NNT: variants seen among roughly 807,000 people sequenced by gnomAD.
The protein encoded by NNT is nicotinamide nucleotide transhydrogenase, also known as NAD(P) transhydrogenase, mitochondrial.
Under a neutral mutation model 104.8 loss-of-function variants are expected in NNT, and 50 were observed. That is an observed-to-expected ratio of 0.48 (90% CI 0.38 to 0.60). The LOEUF is 0.60. Among genes scored for constraint, NNT ranks in the 20% least tolerant of loss-of-function variants. The pLI, the probability that NNT is intolerant of heterozygous loss-of-function variation, is 0.00. For missense variants in NNT, 1,131 were observed against 1,330.7 expected (o/e 0.85, Z 2.33); for synonymous variants, 461 against 490.4 (o/e 0.94, Z 0.79).
chr5:43,686,937 C>G (rs2112165434), intron 19 of NNT, among the ~76,000 whole-genome samples: 1 of 152,252 alleles, frequency 6.6e-6, no homozygotes, highest in Middle Eastern at 3.4e-3. Context: ...CAATCTAGAA[C>G]TCTTAACTGC....
chr5:43,686,377 T>C (rs1741991607), intron 19 of NNT, among the ~76,000 whole-genome samples: 1 of 152,256 alleles, frequency 6.6e-6, no homozygotes, highest in Admixed American at 6.5e-5. Context: ...GAAATTTGAC[T>C]GTATCAAAAT....
At chr5:43,662,657 C>G (rs939860572) in intron 17 of NNT, among the ~76,000 whole-genome samples, 6 of 152,130 alleles carry the variant, frequency 3.9e-5, no homozygotes, top group Non-Finnish European at 8.8e-5. Context: ...CTTTGGGAGG[C>G]TAAGGCAGGT....
rs12187908 is a variant in NNT at position 43,609,170 on chromosome 5, T to C, written c.-26T>C. 0.31 allele frequency: 483,905 copies of C among 1,583,958 alleles called. 79,343 individuals carry two copies. The highest frequency in any genetic ancestry group is 0.34 in the Middle Eastern group (2,013 of 5,954). ...ATTTGCCTTCAAGGAAACTGGGGAG[T>C]CAGAAAATTGGGAACTCATATCAAC... is the stretch of plus-strand genomic sequence containing the variant. On this transcript the variant is annotated 5_prime_UTR_variant, in exon 2 of 22. Transcript: ENST00000344920.
rs576504974 is a variant in NNT, at chr5:43,612,266, G to A, written c.152-642G>A. Among the ~76,000 whole-genome samples the A allele has an allele frequency of 7.6e-4, 115 of 152,266 alleles. 1 individual carries two copies. The highest frequency in any genetic ancestry group is 2.6e-3 in the African/African-American group (108 of 41,556). ...GAGTAGTCACTGGCCAACATAGAGC[G>A]TCCTTGGACAGAGTTCCTGTCTAAG... On this transcript the variant is annotated intron_variant, in intron 2 of 21. Transcript: ENST00000344920.
Position 43,644,673 on chromosome 5 carries a change from A to C in NNT, c.1161A>C (p.Leu387=). ...GAATGGCCACTCAGGCCAGCACCCT[A>C]TATTCCAACAACATCACCAAACTCC... ...PSRMATQAST[L]YSNNITKLLK... The change falls in exon 9 of 22, where the codon CTA becomes CTC. Residue 387 remains leucine, a synonymous_variant. Coordinates refer to ENST00000344920, the MANE Select transcript of NNT (RefSeq NM_182977.3). 4 of 1,614,220 alleles carry C rather than the reference A, an allele frequency of 2.5e-6. No homozygotes were observed. Among genetic ancestry groups the C allele is most frequent in the Non-Finnish European group, 3.4e-6 (4 of 1,180,032 alleles).
chr5:43,686,770 C>T (rs1165127305), intron 19 of NNT, among the ~76,000 whole-genome samples: 1 of 152,002 alleles, frequency 6.6e-6, no homozygotes, highest in African/African-American at 2.4e-5. Context: ...CAGGTGTTGG[C>T]CTAAAGCACT....
chr5:43,616,030 A>T lies in NNT; in HGVS notation c.564A>T (p.Gly188=), dbSNP rs745988504. ...DQVPRVTIAQ[G]YDALSSMANI... ...TTCCAAGAGTCACAATTGCTCAGGG[A>T]TATGATGCGCTAAGCTCCATGGCCA... Residue 188 remains glycine (G), a synonymous_variant, in exon 4 of 22, where the codon GGA becomes GGT. Transcript: ENST00000344920. 15 of 1,614,108 alleles carry T rather than the reference A, an allele frequency of 9.3e-6. No individual in the cohort carries two copies. Among genetic ancestry groups the T allele is most frequent in the Admixed American group, 3.3e-5 (2 of 60,022 alleles).
chr5:43,625,775 A>G (rs953914812), intron 6 of NNT, among the ~76,000 whole-genome samples: 14 of 152,172 alleles, frequency 9.2e-5, no homozygotes. Flanking sequence ...TTCCTATCAT[A>G]AAATAGTACA....
At chr5:43,626,575 G>C (rs1750374999) in intron 6 of NNT, among the ~76,000 whole-genome samples, 1 of 151,954 alleles carries the variant, frequency 6.6e-6, no homozygotes, top group Non-Finnish European at 1.5e-5. Flanking sequence ...TATGGGCAAA[G>C]ATATAACTAC....
chr5:43,688,294 G>A (rs79053228), intron 19 of NNT, among the ~76,000 whole-genome samples: 3,027 of 152,236 alleles, frequency 0.02, 102 homozygotes, highest in African/African-American at 0.069. Context: ...AAGGACATGT[G>A]ACAGTGGAAG....
At chr5:43,688,656 T>A (rs1456076541) in intron 19 of NNT, among the ~76,000 whole-genome samples, 1 of 152,136 alleles carries the variant, frequency 6.6e-6, no homozygotes, top group Non-Finnish European at 1.5e-5. Context: ...TGAGAACATA[T>A]AATTTTCCAT....
Position 43,699,654 on chromosome 5 carries a change from A to T in NNT, c.2877-465A>T, listed in dbSNP as rs1391738253. Among the ~76,000 whole-genome samples, 6 of 152,150 alleles carry T rather than the reference A, an allele frequency of 3.9e-5. No homozygotes were observed. The South Asian group carries it at 1.2e-3, about 32-fold the overall frequency. ...CAGGCATTAGCCACCATGCCCAGCC[A>T]TCTCCCTACCTTTGAACAAAGTGGT... is the stretch of plus-strand genomic sequence containing the variant. On this transcript the variant is annotated intron_variant, in intron 19 of 21. Transcript: ENST00000344920.
chr5:43,640,026 G>T (rs1751139691), intron 7 of NNT, among the ~76,000 whole-genome samples: 1 of 151,384 alleles, frequency 6.6e-6, no homozygotes, highest in East Asian at 1.9e-4. Context: ...AGCCCAATTG[G>T]GCTTTAAAAA....
At chr5:43,666,006 C>T (rs1226802925) in intron 17 of NNT, among the ~76,000 whole-genome samples, 1 of 151,418 alleles carries the variant, frequency 6.6e-6, no homozygotes, top group Non-Finnish European at 1.5e-5. Context: ...GGCAGCGGGG[C>T]AGAGGCGCTC....
intron 7 of NNT, among the ~76,000 whole-genome samples, chr5:43,631,922 G>A (rs900890306): frequency 7.0e-6 from 1 of 143,030 alleles, no homozygotes; most frequent in Non-Finnish European, 1.5e-5. Context: ...TCAGCCCAGA[G>A]CTCACCCTCA....
At position 43,651,837 on chromosome 5, in the gene NNT, G is replaced by C; in HGVS notation, c.1816G>C (p.Val606Leu). ...YLYLLPAGTFVGGYLAALYSG... is the reference protein window; with the variant it reads ...YLYLLPAGTFLGGYLAALYSG... ...GTACCTGCTCCCTGCCGGCACCTTTGTTGGTGGATATTTAGCTGCCCTCTA... is the reference window on the plus strand; with the variant it reads ...GTACCTGCTCCCTGCCGGCACCTTTCTTGGTGGATATTTAGCTGCCCTCTA... Residue 606 changes from valine to leucine, a missense_variant, in exon 13 of 22, where the codon GTT (valine) becomes CTT (leucine). Val to Leu is a conservative substitution (Grantham distance 32). Transcript: ENST00000344920. 6.2e-7 allele frequency: 1 copy of C among 1,614,108 alleles called. No individual in the cohort carries two copies. Among genetic ancestry groups the C allele is most frequent in the Non-Finnish European group, 8.5e-7 (1 of 1,180,006 alleles).
In NNT at chr5:43,677,399, T is replaced by TGAGA. The variant is rs111577191; in HGVS notation, c.2795-301_2795-298dup. ...CAAGTATGAAGAGAGTTTAAAAACA[T>TGAGA]GAGAGAGAGAGAGAGAGAGAGAGAG... On this transcript the variant is annotated intron_variant, in intron 18 of 21. Transcript: ENST00000344920. Among the ~76,000 whole-genome samples, 134 of 138,712 alleles carry TGAGA rather than the reference T, an allele frequency of 9.7e-4. 2 individuals are homozygous for TGAGA. The highest frequency in any genetic ancestry group is 3.1e-3 in the Admixed American group (42 of 13,634). 91.0% of individuals were successfully genotyped at this position (138,712 alleles called of 152,430 possible). A position where few individuals can be genotyped will look rare whatever the true frequency, so the allele number is the denominator to read the frequency against.
At chr5:43,666,742 TGTC>T in intron 17 of NNT, 1 of 1,218,386 alleles carries the variant, frequency 8.2e-7, no homozygotes, top group Non-Finnish European at 1.1e-6. Flanking sequence ...CCAGTCCTTC[TGTC>T]CTCACGTTGG....
chr5:43,603,687 G>T (rs1749050408), intron 1 of NNT, among the ~76,000 whole-genome samples: 1 of 152,156 alleles, frequency 6.6e-6, no homozygotes, highest in African/African-American at 2.4e-5. Context: ...TCAAGATCGG[G>T]GGTGGTGGAG....
Sources: gnomAD v4.1 joint callset for allele counts (sites outside exome capture counted in the v4.1 genomes callset) on GRCh38, gnomAD v4.1.1 for gene constraint, MANE v1.5 for transcripts, NCBI Gene and HGNC (gene_info 2026-07-23, HGNC 2026-07-21) for gene names.